SPAG16: variants seen among roughly 807,000 people sequenced by gnomAD.
The protein encoded by SPAG16 is sperm associated antigen 16.
Under a neutral mutation model 80.4 loss-of-function variants are expected in SPAG16, and 86 were observed. The observed-to-expected ratio is 1.07, with a 90% confidence interval of 0.90 to 1.28. SPAG16 has a LOEUF of 1.28. Among genes scored for constraint, SPAG16 ranks in the 50% most tolerant of loss-of-function variants. The pLI is 0.00. For missense variants in SPAG16, 870 were observed against 765.3 expected, an observed-to-expected ratio of 1.14 and a Z score of -1.61; for synonymous variants, 294 against 265.9, an observed-to-expected ratio of 1.11 and a Z score of -1.03.
intron 10 of SPAG16, among the ~76,000 whole-genome samples, chr2:213,574,670 TATATATG>T (rs1396798444): frequency 2.7e-5 from 4 of 148,304 alleles, no homozygotes; most frequent in African/African-American, 7.4e-5. Flanking sequence ...ATATATGATA[TATATATG>T]ATATATGATA....
At chr2:213,356,568 G>T (rs2065664572) in intron 7 of SPAG16, among the ~76,000 whole-genome samples, 1 of 152,180 alleles carries the variant, frequency 6.6e-6, no homozygotes, top group Non-Finnish European at 1.5e-5. Context: ...ATGGTAGTTT[G>T]TATTTCTATG....
chr2:213,822,408 C>T (rs12465742), intron 10 of SPAG16, among the ~76,000 whole-genome samples: 37,946 of 151,948 alleles, frequency 0.25, 5,332 homozygotes, highest in South Asian at 0.38. Flanking sequence ...GTTGTTTGAG[C>T]TCCTTCTGTA....
At chr2:214,328,433 G>A (rs986495186) in intron 15 of SPAG16, among the ~76,000 whole-genome samples, 1 of 152,224 alleles carries the variant, frequency 6.6e-6, no homozygotes, top group African/African-American at 2.4e-5. Context: ...AAAGTGTTGG[G>A]ATTACAGGCG....
At chr2:214,392,548 T>C (rs1013821492) in intron 15 of SPAG16, among the ~76,000 whole-genome samples, 38 of 152,162 alleles carry the variant, frequency 2.5e-4, no homozygotes, top group Admixed American at 3.3e-4. Flanking sequence ...AGGTAGAGTC[T>C]TTAAGAAATA....
intron 13 of SPAG16, among the ~76,000 whole-genome samples, chr2:214,026,953 CCTTT>C (rs1678892918): frequency 6.6e-6 from 1 of 151,490 alleles, no homozygotes; most frequent in Non-Finnish European, 1.5e-5. Context: ...TTCTCAAATC[CCTTT>C]CTATCTAAAT....
chr2:214,210,849 A>T (rs965958673), intron 15 of SPAG16, among the ~76,000 whole-genome samples: 2 of 151,998 alleles, frequency 1.3e-5, no homozygotes, highest in African/African-American at 4.8e-5. Context: ...GCACACACAC[A>T]CACACACATA....
At chr2:214,306,961 A>C (rs556931098) in intron 15 of SPAG16, among the ~76,000 whole-genome samples, 3 of 152,170 alleles carry the variant, frequency 2.0e-5, no homozygotes. Flanking sequence ...TAGGAATGGC[A>C]CTAGCTCTTC....
chr2:213,590,917 G>A lies in SPAG16; in HGVS notation c.1070+100827G>A, dbSNP rs62195174. 8.5e-3 allele frequency among the ~76,000 whole-genome samples: 706 copies of A among 83,330 alleles called. 6 individuals carry two copies. Among genetic ancestry groups the A allele is most frequent in the African/African-American group, 0.02 (668 of 32,598 alleles). The allele number at this position is 83,330 out of a possible 152,430, so 54.7% of individuals were successfully genotyped here. On this transcript the variant is annotated intron_variant, in intron 10 of 15. Coordinates refer to ENST00000331683, the MANE Select transcript of SPAG16 (RefSeq NM_024532.5). Reference sequence around the variant, plus strand: ...ATCAACTCAGCTACTCATCAGTGATGGATTGGTTAAAGAAAATATGTTATC... The same window carrying A: ...ATCAACTCAGCTACTCATCAGTGATAGATTGGTTAAAGAAAATATGTTATC...
chr2:213,906,453 A>G (rs773093526), intron 11 of SPAG16, among the ~76,000 whole-genome samples: 1 of 152,146 alleles, frequency 6.6e-6, no homozygotes, highest in African/African-American at 2.4e-5. Flanking sequence ...AAAGTGACCT[A>G]CAGATTTAAT....
chr2:213,957,266 AG>A (rs1324139023), intron 12 of SPAG16, among the ~76,000 whole-genome samples: 3 of 152,006 alleles, frequency 2.0e-5, no homozygotes, highest in Non-Finnish European at 4.4e-5. Context: ...CAATTTTGTT[AG>A]TTTTTGCTGG....
chr2:214,229,637 T>C (rs1688551344), intron 15 of SPAG16, among the ~76,000 whole-genome samples: 1 of 151,758 alleles, frequency 6.6e-6, no homozygotes, highest in African/African-American at 2.4e-5. Context: ...ATTCAGTTTA[T>C]TAAAAAACTA....
intron 13 of SPAG16, among the ~76,000 whole-genome samples, chr2:214,020,136 T>C (rs2047788303): frequency 6.6e-6 from 1 of 152,050 alleles, no homozygotes; most frequent in Non-Finnish European, 1.5e-5. Context: ...CCTGAGGAAG[T>C]AAGTTGCGCA....
chr2:214,159,430 G>T (rs2056349167), intron 15 of SPAG16, among the ~76,000 whole-genome samples: 1 of 151,844 alleles, frequency 6.6e-6, no homozygotes, highest in African/African-American at 2.4e-5. Context: ...ATACAAAATT[G>T]AATAGATAAT....
At chr2:213,291,808 CT>C (rs1272249287) in intron 1 of SPAG16, among the ~76,000 whole-genome samples, 1 of 152,148 alleles carries the variant, frequency 6.6e-6, no homozygotes, top group Non-Finnish European at 1.5e-5. Flanking sequence ...TTGGGCAAAT[CT>C]TTTAATCTCT....
chr2:213,404,135 A>T (rs1057095390), intron 9 of SPAG16, among the ~76,000 whole-genome samples: 2 of 152,178 alleles, frequency 1.3e-5, no homozygotes, highest in Non-Finnish European at 2.9e-5. Flanking sequence ...ATACTGCCCA[A>T]GGTAATTTAT....
intron 9 of SPAG16, among the ~76,000 whole-genome samples, chr2:213,477,603 A>G (rs1457417095): frequency 6.6e-6 from 1 of 152,202 alleles, no homozygotes; most frequent in Non-Finnish European, 1.5e-5. Context: ...TGGGGCCTGT[A>G]GCCCCTTTGT....
intron 10 of SPAG16, among the ~76,000 whole-genome samples, chr2:213,654,665 C>T (rs1477330057): frequency 1.3e-5 from 2 of 150,640 alleles, no homozygotes; most frequent in South Asian, 2.1e-4. Context: ...TGAATTGAGC[C>T]GAGATTGCGC....
intron 13 of SPAG16, among the ~76,000 whole-genome samples, chr2:214,041,952 G>A (rs563343964): frequency 2.0e-4 from 27 of 131,898 alleles, no homozygotes; most frequent in Non-Finnish European, 3.1e-4. Context: ...TATATAGTTT[G>A]TGTATATATT....
chr2:213,524,050 C>G (rs974287866), intron 10 of SPAG16, among the ~76,000 whole-genome samples: 1 of 152,144 alleles, frequency 6.6e-6, no homozygotes, highest in Non-Finnish European at 1.5e-5. Context: ...ATCTCAGGCC[C>G]AGAGACTTAG....
Sources: allele counts gnomAD v4.1 joint callset (sites outside exome capture counted in the v4.1 genomes callset), GRCh38; gene constraint gnomAD v4.1.1; transcripts MANE v1.5; gene names NCBI Gene and HGNC (gene_info 2026-07-23, HGNC 2026-07-21).